The following CCSER2 variants were observed in gnomAD, a reference collection of about 807,000 sequenced individuals.
CCSER2 encodes the protein coiled-coil serine rich protein 2, also known as serine-rich coiled-coil domain-containing protein 2.
CCSER2 carries 46 observed loss-of-function variants against 92.3 expected under a neutral mutation model. That is an observed-to-expected ratio of 0.50 (90% CI 0.39 to 0.64). CCSER2 has a LOEUF of 0.64. Among genes scored for constraint, CCSER2 ranks in the 30% least tolerant of loss-of-function variants. The pLI, the probability that CCSER2 is intolerant of heterozygous loss-of-function variation, is 0.00. For synonymous variants in CCSER2, 433 were observed against 431.4 expected, an observed-to-expected ratio of 1.00 and a Z score of -0.04; for missense variants, 1,244 against 1,238.9, an observed-to-expected ratio of 1.00 and a Z score of -0.06.
intron 1 of CCSER2, among the ~76,000 whole-genome samples, chr10:84,340,956 A>G (rs1388488879): frequency 6.6e-6 from 1 of 151,764 alleles, no homozygotes; most frequent in Non-Finnish European, 1.5e-5. Flanking sequence ...ATACAGTAAT[A>G]GTGGAATATT....
At chr10:84,332,428 ATATATATATTT>A (rs1240723624) in intron 1 of CCSER2, among the ~76,000 whole-genome samples, 2 of 77,348 alleles carry the variant, frequency 2.6e-5, no homozygotes, top group Admixed American at 1.5e-4. Flanking sequence ...ATATATATAT[ATATATATATTT>A]TTTTTTTTTT....
chr10:84,358,203 T>C (rs1303752649), intron 1 of CCSER2, among the ~76,000 whole-genome samples: 1 of 152,204 alleles, frequency 6.6e-6, no homozygotes, highest in Non-Finnish European at 1.5e-5. Context: ...AGATGGTGAC[T>C]TAAGTTTAAC....
intron 1 of CCSER2, among the ~76,000 whole-genome samples, chr10:84,361,930 G>A (rs1194200465): frequency 1.3e-5 from 2 of 152,130 alleles, no homozygotes; most frequent in South Asian, 2.1e-4. Context: ...GTGAGCCACC[G>A]TGCCTGGCCT....
At chr10:84,457,361 T>TATATATAATATATA (rs1845782478) in intron 6 of CCSER2, among the ~76,000 whole-genome samples, 1 of 37,142 alleles carries the variant, frequency 2.7e-5, no homozygotes, top group African/African-American at 5.5e-5. Flanking sequence ...ATATATATAT[T>TATATATAATATATA]TATTTTAAAT....
At chr10:84,489,694 A>G (rs546464838) in intron 9 of CCSER2, among the ~76,000 whole-genome samples, 75 of 152,076 alleles carry the variant, frequency 4.9e-4, no homozygotes, top group Non-Finnish European at 8.8e-4. Context: ...TCTTTATCCA[A>G]TTTGCCAGTC....
intron 8 of CCSER2, among the ~76,000 whole-genome samples, chr10:84,474,763 A>G (rs997913521): frequency 1.3e-5 from 2 of 152,028 alleles, no homozygotes; most frequent in African/African-American, 2.4e-5. Flanking sequence ...TGCCTGGTCC[A>G]TGGATACATG....
intron 9 of CCSER2, among the ~76,000 whole-genome samples, chr10:84,500,759 A>G (rs1848679662): frequency 6.6e-6 from 1 of 152,164 alleles, no homozygotes; most frequent in African/African-American, 2.4e-5. Flanking sequence ...AATCAGAGGT[A>G]TTTTTATGCC....
intron 9 of CCSER2, among the ~76,000 whole-genome samples, chr10:84,488,473 G>A (rs910261518): frequency 1.3e-5 from 2 of 152,264 alleles, no homozygotes; most frequent in Admixed American, 1.3e-4. Flanking sequence ...TCTTGGGAGG[G>A]TATATGTGTC....
intron 7 of CCSER2, among the ~76,000 whole-genome samples, chr10:84,468,611 T>C (rs779206508): frequency 1.3e-5 from 2 of 152,216 alleles, no homozygotes; most frequent in Non-Finnish European, 2.9e-5. Context: ...TTTGGGTCCA[T>C]TTCCTGTGTA....
chr10:84,407,808 A>T (rs1842450778), intron 3 of CCSER2, among the ~76,000 whole-genome samples: 2 of 152,228 alleles, frequency 1.3e-5, no homozygotes, highest in African/African-American at 2.4e-5. Flanking sequence ...TGAGAATGTT[A>T]TTCTGGATCA....
intron 1 of CCSER2, among the ~76,000 whole-genome samples, chr10:84,343,203 C>T (rs780278275): frequency 5.3e-5 from 8 of 152,156 alleles, no homozygotes; most frequent in Non-Finnish European, 1.2e-4. Context: ...TTCCAGCTGT[C>T]TTTACTGTCT....
At chr10:84,486,879 C>T (rs1282612498) in intron 9 of CCSER2, among the ~76,000 whole-genome samples, 1 of 152,154 alleles carries the variant, frequency 6.6e-6, no homozygotes, top group African/African-American at 2.4e-5. Context: ...GGTTTTAGGT[C>T]TAACATTTAA....
At chr10:84,489,182 T>C (rs1005034234) in intron 9 of CCSER2, among the ~76,000 whole-genome samples, 11 of 152,182 alleles carry the variant, frequency 7.2e-5, no homozygotes, top group Non-Finnish European at 1.5e-4. Flanking sequence ...TTGGAATAAG[T>C]GTGATGTGGT....
At chr10:84,441,266 G>A (rs1000844964) in intron 6 of CCSER2, among the ~76,000 whole-genome samples, 2 of 151,746 alleles carry the variant, frequency 1.3e-5, no homozygotes, top group South Asian at 2.1e-4. Flanking sequence ...ATATTTTCTC[G>A]ACTTGATATT....
intron 6 of CCSER2, among the ~76,000 whole-genome samples, chr10:84,440,850 A>G (rs1844488514): frequency 6.6e-6 from 1 of 152,224 alleles, no homozygotes; most frequent in Non-Finnish European, 1.5e-5. Context: ...TTTCCCTTAG[A>G]AATTTGAGGG....
chr10:84,372,779 T>A lies in CCSER2; in HGVS notation c.1417+310T>A, dbSNP rs1482908242. Among the ~76,000 whole-genome samples, 7 of 152,284 alleles carry A rather than the reference T, an allele frequency of 4.6e-5. No individual in the cohort carries two copies. In the South Asian group the frequency reaches 1.0e-3, roughly 23 times the overall value. ...GACTTCCCCTGCTTACCTCAACCAG[T>A]GTGGTATGCCATTAAACAAACCATC... On this transcript the variant is annotated intron_variant, in intron 2 of 9. Coordinates refer to ENST00000372088, the MANE Select transcript of CCSER2 (RefSeq NM_001284240.2).
intron 1 of CCSER2, among the ~76,000 whole-genome samples, chr10:84,360,536 A>G (rs566900076): frequency 3.9e-4 from 59 of 152,346 alleles, no homozygotes; most frequent in Admixed American, 1.2e-3. Context: ...AGTATAACTT[A>G]CATACAATAA....
intron 5 of CCSER2, among the ~76,000 whole-genome samples, chr10:84,431,323 T>A (rs982265820): frequency 2.0e-5 from 3 of 152,186 alleles, no homozygotes; most frequent in Non-Finnish European, 2.9e-5. Flanking sequence ...GTTTCTACAG[T>A]TTTGCCTTTT....
rs796083864 is a variant in CCSER2, at chr10:84,378,478, A to G, written c.1614+4663A>G. On this transcript the variant is annotated intron_variant, in intron 3 of 9. Coordinates refer to ENST00000372088, the MANE Select transcript of CCSER2 (RefSeq NM_001284240.2). ...AGACGAAGTCTCGCTCTTCTCACCC[A>G]GGCTGGAGTGCGATGGCGCAATCTT... 2.4e-3 allele frequency among the ~76,000 whole-genome samples: 337 copies of G among 138,402 alleles called. 3 individuals are homozygous for G. Among genetic ancestry groups the G allele is most frequent in the African/African-American group, 8.7e-3 (324 of 37,292 alleles). 90.8% of individuals were successfully genotyped at this position (138,402 alleles called of 152,430 possible). A position where few individuals can be genotyped will look rare whatever the true frequency, so the allele number is the denominator to read the frequency against.
Sources: allele counts gnomAD v4.1 joint callset (sites outside exome capture counted in the v4.1 genomes callset), GRCh38; gene constraint gnomAD v4.1.1; transcripts MANE v1.5; gene names NCBI Gene and HGNC (gene_info 2026-07-23, HGNC 2026-07-21).